SLC25A26: variants seen among roughly 807,000 people sequenced by gnomAD.
SLC25A26 encodes solute carrier family 25 member 26, also known as mitochondrial S-adenosylmethionine carrier protein.
Under a neutral mutation model 37.8 loss-of-function variants are expected in SLC25A26, and 36 were observed. That is an observed-to-expected ratio of 0.95 (90% CI 0.73 to 1.26). The LOEUF is 1.26. SLC25A26 is among the 50% of genes most tolerant of loss of function. The probability of loss-of-function intolerance (pLI) is 0.00; values close to 1 mark genes in which losing one functional copy is unlikely to be tolerated. For missense variants in SLC25A26, 390 were observed against 331.1 expected (o/e 1.18, Z -1.38); for synonymous variants, 129 against 122.5 (o/e 1.05, Z -0.35).
At chr3:66,317,499 TC>T (rs1302694616) in intron 5 of SLC25A26, among the ~76,000 whole-genome samples, 7 of 152,044 alleles carry the variant, frequency 4.6e-5, no homozygotes, top group Non-Finnish European at 1.0e-4. Flanking sequence ...GGGAGCTCTG[TC>T]CCAGAGAGGC....
chr3:66,257,538 G>T (rs782647583), intron 3 of SLC25A26, among the ~76,000 whole-genome samples: 2 of 152,122 alleles, frequency 1.3e-5, no homozygotes, highest in African/African-American at 2.4e-5. Flanking sequence ...TGAGGGATGG[G>T]CCTGGTAAAG....
At chr3:66,177,865 G>C (rs2070618188) in intron 1 of SLC25A26, among the ~76,000 whole-genome samples, 2 of 152,220 alleles carry the variant, frequency 1.3e-5, no homozygotes, top group African/African-American at 4.8e-5. Context: ...AGGCCACCCA[G>C]AAAGGTGTTG....
intron 1 of SLC25A26, among the ~76,000 whole-genome samples, chr3:66,174,800 A>G (rs1559560669): frequency 7.5e-6 from 1 of 133,294 alleles, no homozygotes; most frequent in African/African-American, 3.0e-5. Context: ...TCTCAAAAAG[A>G]AAAAAAAAAA....
At chr3:66,200,548 C>T (rs956921918) in intron 1 of SLC25A26, among the ~76,000 whole-genome samples, 37 of 152,334 alleles carry the variant, frequency 2.4e-4, no homozygotes, top group African/African-American at 7.9e-4. Flanking sequence ...ATTGTGGTTG[C>T]TCTGCCAATG....
At chr3:66,245,721 A>C (rs1276246101) in intron 3 of SLC25A26, among the ~76,000 whole-genome samples, 2 of 152,192 alleles carry the variant, frequency 1.3e-5, no homozygotes, top group Non-Finnish European at 2.9e-5. Flanking sequence ...TCCTTGTTTA[A>C]GAATAAGTGA....
chr3:66,153,432 T>A (rs1004831888), intron 1 of SLC25A26, among the ~76,000 whole-genome samples: 1 of 152,206 alleles, frequency 6.6e-6, no homozygotes, highest in African/African-American at 2.4e-5. Flanking sequence ...GAGTGCCTGT[T>A]TAAAACGAAG....
At chr3:66,221,297 A>G (rs975105579) in intron 1 of SLC25A26, 170 bp downstream of exon 1, 4 of 254,982 alleles carry the variant, frequency 1.6e-5, no homozygotes, top group African/African-American at 7.0e-5. Context: ...CCGGCGGGCC[A>G]GGTGTTAAGG....
chr3:66,375,208 G>T (rs1373067951), intron 9 of SLC25A26, among the ~76,000 whole-genome samples: 1 of 152,186 alleles, frequency 6.6e-6, no homozygotes, highest in South Asian at 2.1e-4. Context: ...GGAAGCTGCA[G>T]GGTTTGAAGT....
chr3:66,193,274 A>G lies in SLC25A26; in HGVS notation c.-353-27468A>G, dbSNP rs1382680170. On this transcript the variant is annotated intron_variant, in intron 1 of 10. Transcript: ENST00000676754. ...CTACAATTTGTTATATAAATAATATACCAAAAGAATAAAATTAGAATTTAG... is the reference window on the plus strand; with the variant it reads ...CTACAATTTGTTATATAAATAATATGCCAAAAGAATAAAATTAGAATTTAG... Among the ~76,000 whole-genome samples, 4 of 152,178 alleles carry G rather than the reference A, an allele frequency of 2.6e-5. No homozygotes were observed. The East Asian group carries it at 5.8e-4, about 22-fold the overall frequency.
At chr3:66,362,978 G>A in intron 7 of SLC25A26, 49 bp downstream of exon 7, 2 of 1,263,924 alleles carry the variant, frequency 1.6e-6, no homozygotes, top group Non-Finnish European at 2.2e-6. Context: ...GGGGAAAAAT[G>A]TGAAAATATT....
At chr3:66,198,130 A>G (rs2071068245) in intron 1 of SLC25A26, among the ~76,000 whole-genome samples, 1 of 152,128 alleles carries the variant, frequency 6.6e-6, no homozygotes, top group African/African-American at 2.4e-5. Context: ...AGTCAAGTGC[A>G]GGATTAGGGT....
At chr3:66,242,472 A>G (rs1344569903) in intron 2 of SLC25A26, among the ~76,000 whole-genome samples, 1 of 152,214 alleles carries the variant, frequency 6.6e-6, no homozygotes. Flanking sequence ...TTCACCATCA[A>G]GCTGTTTTCC....
At chr3:66,275,290 A>G (rs147742193) in intron 5 of SLC25A26, among the ~76,000 whole-genome samples, 7 of 151,294 alleles carry the variant, frequency 4.6e-5, no homozygotes, top group Non-Finnish European at 1.0e-4. Context: ...TAGGAGATAC[A>G]TCTAATGCTA....
rs1005296686 is a variant in SLC25A26 at position 66,214,448 on chromosome 3, T to C, written c.-353-6294T>C. Among the ~76,000 whole-genome samples the C allele has an allele frequency of 1.8e-3, 277 of 152,326 alleles. 4 individuals carry two copies. The highest frequency in any genetic ancestry group is 4.8e-3 in the East Asian group (25 of 5,186). ...TGACTCACATTAAGATTTTATTACA[T>C]ATGGCCACATTGCTCACCAGAAAAG... On this transcript the variant is annotated intron_variant, in intron 1 of 10. Transcript: ENST00000676754.
intron 2 of SLC25A26, among the ~76,000 whole-genome samples, chr3:66,239,528 G>A (rs2072466684): frequency 6.6e-6 from 1 of 152,114 alleles, no homozygotes; most frequent in South Asian, 2.1e-4. Context: ...CTGTTATCTT[G>A]ACATTTTAAA....
chr3:66,248,400 A>G (rs528244933), intron 3 of SLC25A26, among the ~76,000 whole-genome samples: 7 of 152,328 alleles, frequency 4.6e-5, no homozygotes, highest in African/African-American at 1.4e-4. Flanking sequence ...TTCATCACAC[A>G]CAGAAAAAGC....
At chr3:66,151,380 G>T (rs2070206271) in intron 1 of SLC25A26, among the ~76,000 whole-genome samples, 1 of 152,208 alleles carries the variant, frequency 6.6e-6, no homozygotes, top group South Asian at 2.1e-4. Context: ...GGCATTGGGA[G>T]CCCAGCTCAG....
At chr3:66,300,807 A>G (rs2075055080) in intron 5 of SLC25A26, among the ~76,000 whole-genome samples, 2 of 152,214 alleles carry the variant, frequency 1.3e-5, no homozygotes, top group South Asian at 4.1e-4. Context: ...CTTCAAAATG[A>G]TTGCTAACAC....
intron 8 of SLC25A26, 144 bp from the exon 9 acceptor site, chr3:66,370,385 C>G: frequency 1.4e-6 from 1 of 740,488 alleles, no homozygotes; most frequent in South Asian, 1.5e-5. Context: ...GAGCCAGGTC[C>G]TGATTGCCAA....
Sources: gnomAD v4.1 joint callset for allele counts (sites outside exome capture counted in the v4.1 genomes callset) on GRCh38, gnomAD v4.1.1 for gene constraint, MANE v1.5 for transcripts, NCBI Gene and HGNC (gene_info 2026-07-23, HGNC 2026-07-21) for gene names.